ITPR1: variants seen among roughly 807,000 people sequenced by gnomAD.
ITPR1 encodes the protein inositol 1,4,5-trisphosphate-gated calcium channel ITPR1.
Under a neutral mutation model 318.4 loss-of-function variants are expected in ITPR1, and 96 were observed. That is an observed-to-expected ratio of 0.30 (90% CI 0.26 to 0.36). ITPR1 has a LOEUF of 0.36. ITPR1 is among the 10% of genes least tolerant of loss of function. The probability of loss-of-function intolerance (pLI) is 1.00; values close to 1 mark genes in which losing one functional copy is unlikely to be tolerated. For missense variants in ITPR1, 2,440 were observed against 3,460.2 expected, an observed-to-expected ratio of 0.71 and a Z score of 7.40; for synonymous variants, 1,312 against 1,289.9, an observed-to-expected ratio of 1.02 and a Z score of -0.37.
intron 22 of ITPR1, among the ~76,000 whole-genome samples, chr3:4,674,867 A>G (rs541447214): frequency 4.6e-5 from 7 of 151,206 alleles, no homozygotes; most frequent in Non-Finnish European, 7.4e-5. Context: ...TCATCAGAGC[A>G]GATCAGTAGC....
intron 47 of ITPR1, among the ~76,000 whole-genome samples, chr3:4,776,347 G>A (rs1307086386): frequency 6.6e-6 from 1 of 152,214 alleles, no homozygotes; most frequent in East Asian, 1.9e-4. Context: ...TGGGATTACA[G>A]GCTTGAGCCA....
At chr3:4,714,148 C>T (rs188186553) in intron 39 of ITPR1, among the ~76,000 whole-genome samples, 115 of 152,232 alleles carry the variant, frequency 7.6e-4, no homozygotes, top group Admixed American at 2.7e-3. Flanking sequence ...CTGGCTGCCC[C>T]GTTTGACTAA....
chr3:4,684,900 T>C (rs182285750), intron 29 of ITPR1, among the ~76,000 whole-genome samples, 169 bp from the exon 30 acceptor site: 1 of 152,382 alleles, frequency 6.6e-6, no homozygotes, highest in East Asian at 1.9e-4. Flanking sequence ...CTTAGTCTTA[T>C]GGATTTGGCT....
chr3:4,580,697 A>T (rs142641020), intron 4 of ITPR1, among the ~76,000 whole-genome samples: 327 of 152,250 alleles, frequency 2.1e-3, no homozygotes, highest in African/African-American at 7.5e-3. Context: ...CAGGGCCAGA[A>T]TTTCTGTTGC....
intron 30 of ITPR1, among the ~76,000 whole-genome samples, chr3:4,686,539 T>A (rs1373938603): frequency 6.6e-6 from 1 of 152,132 alleles, no homozygotes; most frequent in Non-Finnish European, 1.5e-5. Flanking sequence ...CTAATGAGAG[T>A]TATGCCTTCA....
chr3:4,534,253 C>T (rs181249203), intron 4 of ITPR1, among the ~76,000 whole-genome samples: 10 of 152,304 alleles, frequency 6.6e-5, no homozygotes, highest in East Asian at 1.9e-4. Context: ...TTTTTCAACC[C>T]GTACCACCCC....
rs77546090 is a variant in ITPR1, at chr3:4,733,946, G to T, written c.5353+726G>T. Among the ~76,000 whole-genome samples the T allele has an allele frequency of 3.8e-3, 577 of 152,380 alleles. 4 individuals are homozygous for T. The highest frequency in any genetic ancestry group is 0.013 in the African/African-American group (556 of 41,598). On this transcript the variant is annotated intron_variant, in intron 43 of 61. Transcript: ENST00000649015. ...TTTAGGCAGTGCTCAAAGCACAGAT[G>T]TGAGTTGCCTGATTTCCTGTCTTAT...
intron 44 of ITPR1, 138 bp from the exon 45 acceptor site, chr3:4,766,392 T>G (rs2045820728): frequency 1.6e-6 from 1 of 638,702 alleles, no homozygotes; most frequent in Non-Finnish European, 2.7e-6. Flanking sequence ...TGTGGAGTGG[T>G]CCTTAATGTT....
intron 40 of ITPR1, among the ~76,000 whole-genome samples, chr3:4,719,543 G>A (rs747555508): frequency 7.2e-5 from 11 of 152,216 alleles, no homozygotes; most frequent in African/African-American, 2.7e-4. Context: ...TCTGAACTGC[G>A]TACCCATGTT....
At chr3:4,700,962 C>T (rs1434479630) in intron 35 of ITPR1, among the ~76,000 whole-genome samples, 3 of 152,166 alleles carry the variant, frequency 2.0e-5, no homozygotes, top group Non-Finnish European at 4.4e-5. Context: ...GAAAGACCCA[C>T]CCCACGATTC....
At chr3:4,717,303 T>C in intron 39 of ITPR1, 64 bp from the exon 40 acceptor site, 1 of 1,343,708 alleles carries the variant, frequency 7.4e-7, no homozygotes, top group Non-Finnish European at 1.1e-6. Flanking sequence ...TCTATAAACT[T>C]GGCTGGCTTG....
intron 54 of ITPR1, among the ~76,000 whole-genome samples, chr3:4,805,115 AGCCTC>A (rs2048476464): frequency 2.0e-5 from 3 of 152,220 alleles, no homozygotes; most frequent in Non-Finnish European, 4.4e-5. Context: ...AATCCATGCT[AGCCTC>A]AGCAAAGGAG....
intron 4 of ITPR1, among the ~76,000 whole-genome samples, chr3:4,617,907 T>C (rs114416364): frequency 0.081 from 12,260 of 150,632 alleles, 539 homozygotes; most frequent in Middle Eastern, 0.092. Context: ...ATCACCTGAG[T>C]CTTGGAGGTT....
chr3:4,574,945 C>T (rs1415749065), intron 4 of ITPR1, among the ~76,000 whole-genome samples: 3 of 152,218 alleles, frequency 2.0e-5, no homozygotes, highest in African/African-American at 7.2e-5. Flanking sequence ...ATTGCAAATG[C>T]AGTGTGAGGG....
chr3:4,695,325 G>C (rs1261168727), intron 33 of ITPR1, among the ~76,000 whole-genome samples: 2 of 152,144 alleles, frequency 1.3e-5, no homozygotes, highest in African/African-American at 4.8e-5. Context: ...GGATAAAGAA[G>C]GTAGAGTTAT....
intron 4 of ITPR1, among the ~76,000 whole-genome samples, chr3:4,579,169 C>T (rs1293680780): frequency 1.3e-5 from 2 of 152,176 alleles, no homozygotes; most frequent in Non-Finnish European, 2.9e-5. Context: ...GATTACTTAA[C>T]CTCTTCCAGC....
At chr3:4,735,063 G>T in intron 43 of ITPR1, 101 bp from the exon 44 acceptor site, 1 of 851,278 alleles carries the variant, frequency 1.2e-6, no homozygotes. Flanking sequence ...GATGAACATG[G>T]GTAAAGCATT....
intron 4 of ITPR1, among the ~76,000 whole-genome samples, chr3:4,594,914 C>A (rs1046622652): frequency 9.8e-6 from 1 of 101,636 alleles, no homozygotes; most frequent in African/African-American, 3.7e-5. Flanking sequence ...ATCGTATCAC[C>A]CTGGATGAGG....
At chr3:4,599,880 T>C (rs1039842506) in intron 4 of ITPR1, among the ~76,000 whole-genome samples, 15 of 152,206 alleles carry the variant, frequency 9.9e-5, no homozygotes, top group African/African-American at 3.6e-4. Flanking sequence ...GTTGTCAGTT[T>C]TGACGTATGT....
Sources: gnomAD v4.1 joint callset for allele counts (sites outside exome capture counted in the v4.1 genomes callset) on GRCh38, gnomAD v4.1.1 for gene constraint, MANE v1.5 for transcripts, NCBI Gene and HGNC (gene_info 2026-07-23, HGNC 2026-07-21) for gene names.